ACAP2: variants seen among roughly 807,000 people sequenced by gnomAD.
ACAP2 encodes ArfGAP with coiled-coil, ankyrin repeat and PH domains 2.
ACAP2 carries 39 observed loss-of-function variants against 115.8 expected under a neutral mutation model. That is an observed-to-expected ratio of 0.34 (90% CI 0.26 to 0.44). The LOEUF (loss-of-function observed/expected upper bound fraction) is 0.44. ACAP2 is among the 20% of genes least tolerant of loss of function. The probability of loss-of-function intolerance (pLI) is 1.00; values close to 1 mark genes in which losing one functional copy is unlikely to be tolerated. For missense variants in ACAP2, 662 were observed against 927.6 expected (o/e 0.71, Z 3.72); for synonymous variants, 289 against 315.8 (o/e 0.92, Z 0.90).
At chr3:195,382,827 T>C (rs1168289033) in intron 2 of ACAP2, among the ~76,000 whole-genome samples, 1 of 148,862 alleles carries the variant, frequency 6.7e-6, no homozygotes, top group East Asian at 2.0e-4. Context: ...TTCTAACAAG[T>C]AGATAAATTC....
chr3:195,322,468 A>G lies in ACAP2; in HGVS notation c.745-1655T>C, dbSNP rs538191016. On this transcript the variant is annotated intron_variant, in intron 9 of 22. Coordinates refer to ENST00000326793, the MANE Select transcript of ACAP2 (RefSeq NM_012287.6). ...GAAACAGACTAAATTCAGAATTTCAAAAGAGAAAAAAAAATAACCTCTCCT... is the reference window on the plus strand; with the variant it reads ...GAAACAGACTAAATTCAGAATTTCAGAAGAGAAAAAAAAATAACCTCTCCT... 2.0e-5 allele frequency among the ~76,000 whole-genome samples: 3 copies of G among 152,306 alleles called. No homozygotes were observed. The East Asian group carries it at 5.8e-4, about 29-fold the overall frequency.
intron 13 of ACAP2, among the ~76,000 whole-genome samples, chr3:195,304,141 G>C (rs899551436): frequency 1.8e-5 from 2 of 113,122 alleles, no homozygotes; most frequent in African/African-American, 3.4e-5. Context: ...ACCAGCCTGG[G>C]CAATGGAGTG....
chr3:195,436,133 ATTT>A (rs201946104), intron 1 of ACAP2, among the ~76,000 whole-genome samples: 3 of 110,442 alleles, frequency 2.7e-5, no homozygotes, highest in African/African-American at 4.0e-5. Flanking sequence ...ATATATATAT[ATTT>A]TTTTTTTTTG....
At chr3:195,349,650 T>C (rs1395639556) in intron 4 of ACAP2, 3 of 161,362 alleles carry the variant, frequency 1.9e-5, no homozygotes, top group African/African-American at 7.3e-5. Flanking sequence ...CTTTTCTAAT[T>C]TGGGTCCAGC....
chr3:195,294,398 T>C (rs904934033), intron 18 of ACAP2, among the ~76,000 whole-genome samples: 1 of 150,606 alleles, frequency 6.6e-6, no homozygotes, highest in Non-Finnish European at 1.5e-5. Flanking sequence ...GCCAATGTGG[T>C]GAAACCTCGT....
chr3:195,336,344 C>G (rs1279918967), intron 7 of ACAP2: 1 of 151,662 alleles, frequency 6.6e-6, no homozygotes, highest in Non-Finnish European at 1.5e-5. Context: ...TACGGAAGAA[C>G]AAACCAAAAG....
chr3:195,294,609 T>TA (rs1491478131), intron 18 of ACAP2, 110 bp downstream of exon 18: 2,666 of 36,532 alleles, frequency 0.073, 93 homozygotes, highest in African/African-American at 0.12. Context: ...AAAAAAAAAA[T>TA]TATATATATA....
chr3:195,340,049 C>T (rs934947595), intron 6 of ACAP2, among the ~76,000 whole-genome samples: 10 of 150,642 alleles, frequency 6.6e-5, no homozygotes, highest in Non-Finnish European at 1.3e-4. Flanking sequence ...CTGAGTAACC[C>T]GGATCACAAA....
At chr3:195,331,468 A>G (rs1370767653) in intron 8 of ACAP2, among the ~76,000 whole-genome samples, 1 of 151,696 alleles carries the variant, frequency 6.6e-6, no homozygotes, top group Non-Finnish European at 1.5e-5. Flanking sequence ...ATATGCCACC[A>G]CGCCTGGATA....
At chr3:195,359,709 C>T (rs996575547) in intron 4 of ACAP2, among the ~76,000 whole-genome samples, 2 of 152,152 alleles carry the variant, frequency 1.3e-5, no homozygotes, top group Admixed American at 6.5e-5. Flanking sequence ...CCTCATGATC[C>T]GCCCGCCCCA....
At chr3:195,331,791 TATA>T (rs1447499858) in intron 8 of ACAP2, among the ~76,000 whole-genome samples, 1 of 152,196 alleles carries the variant, frequency 6.6e-6, no homozygotes. Context: ...ATAATTTGAA[TATA>T]ATGACATTTT....
rs1215633218 is a variant in ACAP2 at position 195,291,786 on chromosome 3, T to C, written c.1983A>G (p.Leu661=). The change falls in exon 20 of 23, where the codon CTA becomes CTG. Residue 661 remains leucine (L), a synonymous_variant. Coordinates refer to ENST00000326793, the MANE Select transcript of ACAP2 (RefSeq NM_012287.6). ...GGSLVTCEFL[L]QNGANVNQRD... ...TTTGGTTGACATTAGCACCATTCTGTAGGAGGAACTCACACGTCACCAAAG... is the reference window on the plus strand; with the variant it reads ...TTTGGTTGACATTAGCACCATTCTGCAGGAGGAACTCACACGTCACCAAAG... 1 of 1,613,776 alleles carries C rather than the reference T, an allele frequency of 6.2e-7. No homozygotes were observed. Among genetic ancestry groups the C allele is most frequent in the Non-Finnish European group, 8.5e-7 (1 of 1,179,872 alleles).
intron 1 of ACAP2, among the ~76,000 whole-genome samples, chr3:195,432,617 A>G (rs535830793): frequency 6.6e-6 from 1 of 152,300 alleles, no homozygotes; most frequent in South Asian, 2.1e-4. Flanking sequence ...TGAAATTGGA[A>G]ATTGAATCCT....
chr3:195,423,528 C>T (rs1024778421), intron 1 of ACAP2, among the ~76,000 whole-genome samples: 1 of 147,570 alleles, frequency 6.8e-6, no homozygotes, highest in Non-Finnish European at 1.5e-5. Context: ...GAGGTTGAGG[C>T]ATGAAAATCG....
chr3:195,352,426 T>A (rs1264124926), intron 4 of ACAP2, among the ~76,000 whole-genome samples: 1 of 152,240 alleles, frequency 6.6e-6, no homozygotes. Flanking sequence ...ATTAAATATT[T>A]CCTTATTTTC....
chr3:195,414,039 A>T (rs1356929642), intron 1 of ACAP2, among the ~76,000 whole-genome samples: 1 of 152,160 alleles, frequency 6.6e-6, no homozygotes, highest in Non-Finnish European at 1.5e-5. Flanking sequence ...AGAAACACAG[A>T]TGGCAAATAA....
chr3:195,383,051 G>C (rs372688433), intron 2 of ACAP2, among the ~76,000 whole-genome samples: 1 of 152,062 alleles, frequency 6.6e-6, no homozygotes, highest in East Asian at 1.9e-4. Flanking sequence ...TGTGACCATG[G>C]AATTCTTGTT....
chr3:195,301,130 G>A (rs1280849111), intron 15 of ACAP2, among the ~76,000 whole-genome samples: 6 of 150,864 alleles, frequency 4.0e-5, no homozygotes, highest in Non-Finnish European at 8.8e-5. Context: ...CTGTTACCCA[G>A]GCTGGAGTGC....
At chr3:195,323,787 G>C (rs893047055) in intron 9 of ACAP2, among the ~76,000 whole-genome samples, 1 of 149,724 alleles carries the variant, frequency 6.7e-6, no homozygotes, top group Non-Finnish European at 1.5e-5. Flanking sequence ...GGGTGTCAGC[G>C]AGTGGGGATG....
Sources: allele counts gnomAD v4.1 joint callset (sites outside exome capture counted in the v4.1 genomes callset), GRCh38; gene constraint gnomAD v4.1.1; transcripts MANE v1.5; gene names NCBI Gene and HGNC (gene_info 2026-07-23, HGNC 2026-07-21).